Variants in SNTG1 observed in about 807,000 individuals in gnomAD.
SNTG1 encodes gamma-1-syntrophin.
A neutral mutation model predicts 74.7 loss-of-function variants in SNTG1; 39 were observed. The ratio of observed to expected loss-of-function variants is 0.52; its 90% CI spans 0.40 to 0.68. The LOEUF is 0.68. Ranked by LOEUF, SNTG1 falls within the 30% of genes least tolerant of loss-of-function variation. The probability of loss-of-function intolerance (pLI) is 0.00; values close to 1 mark genes in which losing one functional copy is unlikely to be tolerated. For missense variants in SNTG1, 685 were observed against 609.5 expected, an observed-to-expected ratio of 1.12 and a Z score of -1.30; for synonymous variants, 254 against 217.1, an observed-to-expected ratio of 1.17 and a Z score of -1.49.
chr8:50,258,320 A>C (rs1017148636), intron 2 of SNTG1, among the ~76,000 whole-genome samples: 3 of 152,214 alleles, frequency 2.0e-5, no homozygotes, highest in African/African-American at 7.2e-5. Context: ...GAAATATGCT[A>C]TTTTAATGTG....
At chr8:50,036,462 G>A (rs1379665262) in intron 1 of SNTG1, among the ~76,000 whole-genome samples, 1 of 152,122 alleles carries the variant, frequency 6.6e-6, no homozygotes, top group Non-Finnish European at 1.5e-5. Flanking sequence ...CTTCCAGGAA[G>A]CCACCACAGT....
At chr8:50,035,440 A>G (rs1324825539) in intron 1 of SNTG1, among the ~76,000 whole-genome samples, 1 of 152,144 alleles carries the variant, frequency 6.6e-6, no homozygotes, top group Non-Finnish European at 1.5e-5. Context: ...GTAAGGTTTG[A>G]GCCCACATAT....
At chr8:50,319,092 G>A (rs1239796442) in intron 2 of SNTG1, among the ~76,000 whole-genome samples, 4 of 151,638 alleles carry the variant, frequency 2.6e-5, no homozygotes, top group Admixed American at 2.6e-4. Flanking sequence ...TCTTCTATTT[G>A]TTTACCTAGT....
At chr8:50,361,339 G>A (rs1490718239) in intron 2 of SNTG1, among the ~76,000 whole-genome samples, 1 of 152,140 alleles carries the variant, frequency 6.6e-6, no homozygotes, top group Admixed American at 6.5e-5. Flanking sequence ...CTGGAAGGAT[G>A]TGCCTGAAGC....
intron 12 of SNTG1, among the ~76,000 whole-genome samples, chr8:50,554,995 G>A (rs1005358158): frequency 3.3e-5 from 5 of 151,950 alleles, no homozygotes; most frequent in East Asian, 1.9e-4. Context: ...TTCTTCAAAC[G>A]TCTATTCAGT....
chr8:50,142,597 A>G (rs1424190009), intron 1 of SNTG1, among the ~76,000 whole-genome samples: 1 of 152,106 alleles, frequency 6.6e-6, no homozygotes. Context: ...CATTGTAGTT[A>G]GGTTTATTCA....
chr8:50,425,383 G>T (rs1239778955), intron 4 of SNTG1, among the ~76,000 whole-genome samples: 1 of 151,956 alleles, frequency 6.6e-6, no homozygotes, highest in Non-Finnish European at 1.5e-5. Context: ...ATTATGAATT[G>T]CACACGCCAG....
chr8:50,176,059 G>A (rs953215669), intron 2 of SNTG1, among the ~76,000 whole-genome samples: 5 of 152,026 alleles, frequency 3.3e-5, no homozygotes, highest in Admixed American at 1.3e-4. Context: ...AGGCTTCCTG[G>A]GCATTTTTAA....
At chr8:50,555,112 G>A (rs2094448385) in intron 12 of SNTG1, among the ~76,000 whole-genome samples, 1 of 152,128 alleles carries the variant, frequency 6.6e-6, no homozygotes, top group Non-Finnish European at 1.5e-5. Flanking sequence ...CCCTCTGTAA[G>A]CCTAAGGAGG....
chr8:50,651,116 C>T (rs2095142793), intron 13 of SNTG1, among the ~76,000 whole-genome samples: 1 of 152,116 alleles, frequency 6.6e-6, no homozygotes, highest in African/African-American at 2.4e-5. Flanking sequence ...CTGATGCTTG[C>T]CATGAGTATT....
intron 10 of SNTG1, among the ~76,000 whole-genome samples, chr8:50,534,942 C>T (rs541297965): frequency 2.4e-4 from 36 of 151,976 alleles, no homozygotes; most frequent in Non-Finnish European, 4.9e-4. Flanking sequence ...GAATGCCCTC[C>T]CTAAAAGTTC....
At chr8:50,054,804 T>G (rs1819884151) in intron 1 of SNTG1, among the ~76,000 whole-genome samples, 1 of 152,086 alleles carries the variant, frequency 6.6e-6, no homozygotes. Flanking sequence ...CTAGAGAAAC[T>G]AAGAATCCAG....
At chr8:49,935,240 T>A (rs1402164274) in intron 1 of SNTG1, among the ~76,000 whole-genome samples, 1 of 141,554 alleles carries the variant, frequency 7.1e-6, no homozygotes, top group Non-Finnish European at 1.5e-5. Flanking sequence ...TGTGTGTGTG[T>A]TTGTGTGTGT....
At chr8:50,369,596 CAAAAAGAAAAAAA>C (rs1271510654) in intron 2 of SNTG1, among the ~76,000 whole-genome samples, 4 of 117,924 alleles carry the variant, frequency 3.4e-5, no homozygotes, top group Non-Finnish European at 7.3e-5. Flanking sequence ...AACTCCGTCC[CAAAAAGAAAAAAA>C]AAAAAGAAAA....
In SNTG1 at chr8:50,515,289, C is replaced by T. The variant is rs546169329; in HGVS notation, c.466+12409C>T. 2.3e-4 allele frequency among the ~76,000 whole-genome samples: 35 copies of T among 151,394 alleles called. No individual in the cohort carries two copies. The East Asian group carries it at 6.8e-3, about 29-fold the overall frequency. ...CTTATATTATAGTCTATCAAATGTT[C>T]CATAACGGCATTATGTGTAAAAATA... On this transcript the variant is annotated intron_variant, in intron 9 of 18. Transcript: ENST00000642720.
At chr8:50,521,350 T>C (rs1348666705) in intron 9 of SNTG1, among the ~76,000 whole-genome samples, 2 of 152,190 alleles carry the variant, frequency 1.3e-5, no homozygotes, top group Non-Finnish European at 2.9e-5. Context: ...CAAACCACCA[T>C]GGCATGTGCA....
At chr8:50,229,504 T>G (rs1301426625) in intron 2 of SNTG1, among the ~76,000 whole-genome samples, 2 of 151,518 alleles carry the variant, frequency 1.3e-5, no homozygotes, top group African/African-American at 2.4e-5. Flanking sequence ...ACAAGGAAGA[T>G]TATCAGGAAT....
At chr8:50,256,190 T>C (rs528492648) in intron 2 of SNTG1, among the ~76,000 whole-genome samples, 1 of 106,180 alleles carries the variant, frequency 9.4e-6, no homozygotes, top group Admixed American at 1.1e-4. Flanking sequence ...TTGCTATATA[T>C]TGTGAGTATA....
At chr8:50,321,290 A>C in intron 2 of SNTG1, among the ~76,000 whole-genome samples, 1 of 151,690 alleles carries the variant, frequency 6.6e-6, no homozygotes, top group Non-Finnish European at 1.5e-5. Context: ...ATATTACCTT[A>C]TTTGTCTCTT....
Sources: allele counts gnomAD v4.1 joint callset (sites outside exome capture counted in the v4.1 genomes callset), GRCh38; gene constraint gnomAD v4.1.1; transcripts MANE v1.5; gene names NCBI Gene and HGNC (gene_info 2026-07-23, HGNC 2026-07-21).